DLGAP2: variants seen among roughly 807,000 people sequenced by gnomAD.
DLGAP2 encodes the protein DLG associated protein 2.
DLGAP2 carries 26 observed loss-of-function variants against 100.3 expected under a neutral mutation model. The ratio of observed to expected loss-of-function variants is 0.26; its 90% CI spans 0.19 to 0.36. DLGAP2 has a LOEUF of 0.36. Among genes scored for constraint, DLGAP2 ranks in the 10% least tolerant of loss-of-function variants. DLGAP2 has a pLI of 1.00. For synonymous variants in DLGAP2, 886 were observed against 630.1 expected (o/e 1.41, Z -6.08); for missense variants, 1,858 against 1,453.2 (o/e 1.28, Z -4.53).
intron 3 of DLGAP2, among the ~76,000 whole-genome samples, chr8:1,483,812 G>A (rs1298412353): frequency 1.3e-5 from 2 of 152,200 alleles, no homozygotes; most frequent in Non-Finnish European, 2.9e-5. Context: ...AGCAGCCACA[G>A]ACCACAGGGC....
chr8:960,252 T>TTTTTTTTTTTTTTTTTTTTTTTTTTC (rs369284313), intron 2 of DLGAP2, among the ~76,000 whole-genome samples: 6 of 141,928 alleles, frequency 4.2e-5, no homozygotes, highest in African/African-American at 1.7e-4. Context: ...TTTTTTTTTT[T>TTTTTTTTTTTTTTTTTTTTTTTTTTC]CCCGAGACAC....
At chr8:906,316 G>A (rs1406812162) in intron 1 of DLGAP2, among the ~76,000 whole-genome samples, 1 of 152,258 alleles carries the variant, frequency 6.6e-6, no homozygotes, top group Non-Finnish European at 1.5e-5. Flanking sequence ...CTGTGGAAAC[G>A]TGTGTCTCTG....
At chr8:1,604,004 G>C (rs907597264) in intron 6 of DLGAP2, among the ~76,000 whole-genome samples, 3 of 152,100 alleles carry the variant, frequency 2.0e-5, no homozygotes, top group Non-Finnish European at 4.4e-5. Flanking sequence ...CTCTCCTCAA[G>C]TCAAGCCAGC....
chr8:1,596,118 C>T lies in DLGAP2; in HGVS notation c.1442+30224C>T, dbSNP rs548241158. ...TCTCCCACTTATGAGTGGCAACATG[C>T]AGTATTTGGTTTTCTGTTCCTGTGT... On this transcript the variant is annotated intron_variant, in intron 6 of 14. Coordinates refer to ENST00000637795, the MANE Select transcript of DLGAP2 (RefSeq NM_001346810.2). Among the ~76,000 whole-genome samples the T allele has an allele frequency of 2.9e-3, 435 of 150,102 alleles. 4 individuals are homozygous for T. Among genetic ancestry groups the T allele is most frequent in the African/African-American group, 1.0e-2 (408 of 40,866 alleles).
At chr8:902,945 TGGGGGC>T (rs1185260412) in intron 1 of DLGAP2, among the ~76,000 whole-genome samples, 2 of 36,728 alleles carry the variant, frequency 5.4e-5, no homozygotes, top group Non-Finnish European at 9.6e-5. Context: ...GGCAGGTGGG[TGGGGGC>T]GGGGGCGGTG....
chr8:1,095,588 G>A (rs561155229), intron 2 of DLGAP2, among the ~76,000 whole-genome samples: 11 of 152,280 alleles, frequency 7.2e-5, no homozygotes, highest in South Asian at 2.1e-4. Flanking sequence ...GAGGCTTGGG[G>A]GTCTTCAAAG....
chr8:1,343,563 C>G (rs954800760), intron 3 of DLGAP2, among the ~76,000 whole-genome samples: 4 of 152,192 alleles, frequency 2.6e-5, no homozygotes, highest in African/African-American at 9.6e-5. Flanking sequence ...ACAGGTTACC[C>G]CAGAGGCGCT....
chr8:1,694,024 G>C (rs910488841), intron 13 of DLGAP2, among the ~76,000 whole-genome samples: 1 of 152,172 alleles, frequency 6.6e-6, no homozygotes, highest in Non-Finnish European at 1.5e-5. Flanking sequence ...CCCACACACA[G>C]CCCAAGGTGC....
At chr8:1,045,399 A>G (rs1349452079) in intron 2 of DLGAP2, among the ~76,000 whole-genome samples, 4 of 152,226 alleles carry the variant, frequency 2.6e-5, no homozygotes, top group African/African-American at 7.2e-5. Context: ...GTATATGTCT[A>G]TGGTATACAA....
chr8:1,478,527 C>T (rs964068249), intron 3 of DLGAP2, among the ~76,000 whole-genome samples: 2 of 152,246 alleles, frequency 1.3e-5, no homozygotes, highest in African/African-American at 4.8e-5. Context: ...CTATTCCTCT[C>T]TCCATCGACA....
intron 2 of DLGAP2, among the ~76,000 whole-genome samples, chr8:1,160,292 A>T (rs1377878083): frequency 6.6e-6 from 1 of 152,164 alleles, no homozygotes; most frequent in Non-Finnish European, 1.5e-5. Flanking sequence ...GCAGTCAGTG[A>T]TTGACAGGTC....
intron 2 of DLGAP2, among the ~76,000 whole-genome samples, chr8:1,004,573 C>T (rs1422740853): frequency 6.6e-6 from 1 of 152,138 alleles, no homozygotes; most frequent in Non-Finnish European, 1.5e-5. Flanking sequence ...AGTTTCAGAC[C>T]CTCCTGTATA....
At chr8:1,018,860 G>A (rs56702775) in intron 2 of DLGAP2, 42,343 of 152,118 alleles carry the variant, frequency 0.28, 6,904 homozygotes, top group Admixed American at 0.37. Context: ...TCGATTTCCA[G>A]TCGCTCAAAT....
At chr8:923,057 T>C (rs1426588295) in intron 2 of DLGAP2, among the ~76,000 whole-genome samples, 1 of 152,050 alleles carries the variant, frequency 6.6e-6, no homozygotes, top group Non-Finnish European at 1.5e-5. Context: ...GCTACCATGT[T>C]AAAAGCTATG....
chr8:1,418,319 C>G (rs1444102329), intron 3 of DLGAP2, among the ~76,000 whole-genome samples: 18 of 152,228 alleles, frequency 1.2e-4, no homozygotes, highest in Admixed American at 6.5e-4. Flanking sequence ...CTTTAGATGG[C>G]CTCAAACATG....
chr8:1,220,711 C>G (rs752717913), intron 2 of DLGAP2, among the ~76,000 whole-genome samples: 2 of 152,162 alleles, frequency 1.3e-5, no homozygotes, highest in Non-Finnish European at 2.9e-5. Context: ...GTTAAAATCT[C>G]CCACTATTAC....
At chr8:1,095,980 C>G (rs1206987932) in intron 2 of DLGAP2, among the ~76,000 whole-genome samples, 1 of 152,108 alleles carries the variant, frequency 6.6e-6, no homozygotes, top group African/African-American at 2.4e-5. Flanking sequence ...ATTTTAAAAA[C>G]AAAATTAATG....
chr8:1,206,998 C>T (rs1409745390), intron 2 of DLGAP2, among the ~76,000 whole-genome samples: 1 of 152,194 alleles, frequency 6.6e-6, no homozygotes, highest in African/African-American at 2.4e-5. Flanking sequence ...CAGAGAGGCT[C>T]CTCCTGTCCC....
intron 3 of DLGAP2, among the ~76,000 whole-genome samples, chr8:1,351,736 A>T (rs1232660399): frequency 9.6e-5 from 6 of 62,368 alleles, no homozygotes; most frequent in Admixed American, 1.8e-4. Context: ...TGTGTGTGGA[A>T]AGGCCGTGCG....
Sources: allele counts gnomAD v4.1 joint callset (sites outside exome capture counted in the v4.1 genomes callset), GRCh38; gene constraint gnomAD v4.1.1; transcripts MANE v1.5; gene names NCBI Gene and HGNC (gene_info 2026-07-23, HGNC 2026-07-21).